ZC3H12B: variants seen among roughly 807,000 people sequenced by gnomAD.
ZC3H12B encodes zinc finger CCCH-type containing 12B.
ZC3H12B carries 7 observed loss-of-function variants against 43.9 expected under a neutral mutation model. That is an observed-to-expected ratio of 0.16 (90% CI 0.09 to 0.30). The LOEUF is 0.30. ZC3H12B is among the 10% of genes least tolerant of loss of function. ZC3H12B has a pLI of 1.00. For synonymous variants in ZC3H12B, 222 were observed against 241.7 expected, an observed-to-expected ratio of 0.92 and a Z score of 0.76; for missense variants, 475 against 670.2, an observed-to-expected ratio of 0.71 and a Z score of 3.22.
At chrX:65,382,402 AC>A (rs1341858045) in intron 2 of ZC3H12B, among the ~76,000 whole-genome samples, 2 of 110,690 alleles carry the variant, frequency 1.8e-5, no homozygotes, top group East Asian at 2.8e-4. Flanking sequence ...AAATTCAACA[AC>A]CCTTCATGCT....
chrX:65,260,430 G>A, the ZC3H12B span, among the ~76,000 whole-genome samples: 4 of 111,145 alleles, frequency 3.6e-5, no homozygotes, highest in Non-Finnish European at 5.7e-5. Flanking sequence ...TGTAGGGTGG[G>A]AAGAAGGTTA....
the ZC3H12B span, among the ~76,000 whole-genome samples, chrX:65,083,155 A>G: frequency 9.0e-6 from 1 of 111,378 alleles, no homozygotes; most frequent in Admixed American, 9.5e-5. Context: ...AGCTGGTTTC[A>G]TACTAAATGG....
chrX:65,043,302 A>C, the ZC3H12B span, among the ~76,000 whole-genome samples: 1 of 111,096 alleles, frequency 9.0e-6, no homozygotes, highest in Non-Finnish European at 1.9e-5. Context: ...TTTCTTAAAA[A>C]AAAGCAAAGT....
At chrX:65,321,194 C>CA in the ZC3H12B span, among the ~76,000 whole-genome samples, 14 of 99,351 alleles carry the variant, frequency 1.4e-4, no homozygotes, top group African/African-American at 5.5e-4. Context: ...AACGGATGTA[C>CA]AACAAAAAAA....
chrX:65,431,955 G>A (rs992357688), intron 3 of ZC3H12B, among the ~76,000 whole-genome samples: 2 of 111,875 alleles, frequency 1.8e-5, no homozygotes, highest in Admixed American at 1.9e-4. Context: ...GTTCACTTTT[G>A]AGTGGTGCAT....
intron 3 of ZC3H12B, among the ~76,000 whole-genome samples, chrX:65,413,129 T>C (rs942419108): frequency 9.0e-6 from 1 of 111,475 alleles, no homozygotes; most frequent in Non-Finnish European, 1.9e-5. Flanking sequence ...TCCCCATTTT[T>C]TTTAAAAAAT....
At chrX:65,443,208 C>A (rs1405643387) in intron 3 of ZC3H12B, among the ~76,000 whole-genome samples, 2 of 111,458 alleles carry the variant, frequency 1.8e-5, no homozygotes, top group African/African-American at 6.5e-5. Context: ...CCTGACACTT[C>A]CGAGCTCCCC....
At position 65,410,717 on chromosome X, in the gene ZC3H12B, A is replaced by G. The variant is rs200010360; in HGVS notation, n.407+12013A>G. ...ACAGGCATATGAAAAGGTGCTCAACATAATTAATCATTAGAAAAATGCAAA... is the reference window on the plus strand; with the variant it reads ...ACAGGCATATGAAAAGGTGCTCAACGTAATTAATCATTAGAAAAATGCAAA... On this transcript the variant is annotated intron_variant and non_coding_transcript_variant, in intron 3 of 5. Transcript: ENST00000617377. 1.4e-4 allele frequency among the ~76,000 whole-genome samples: 16 copies of G among 112,588 alleles called. No homozygotes were observed. The East Asian group carries it at 3.0e-3, about 21-fold the overall frequency.
intron 3 of ZC3H12B, among the ~76,000 whole-genome samples, chrX:65,412,850 TG>T (rs1247026329): frequency 4.5e-5 from 4 of 88,398 alleles, no homozygotes; most frequent in East Asian, 5.6e-4. Context: ...TGTTTTGTTT[TG>T]TTTTTTTTGA....
At chrX:65,133,725 C>T in the ZC3H12B span, among the ~76,000 whole-genome samples, 1 of 110,294 alleles carries the variant, frequency 9.1e-6, no homozygotes, top group African/African-American at 3.3e-5. Context: ...GAGGAGCAGC[C>T]TGGGGAAGAG....
At chrX:65,235,607 G>T in the ZC3H12B span, among the ~76,000 whole-genome samples, 355 of 111,187 alleles carry the variant, frequency 3.2e-3, 1 homozygote, top group African/African-American at 0.011. Flanking sequence ...GCCTGCTGTG[G>T]CTCTGCACTC....
the ZC3H12B span, chrX:65,357,442 A>G: frequency 4.0e-4 from 58 of 143,588 alleles, no homozygotes; most frequent in African/African-American, 1.8e-3. Context: ...TGCCCATGAG[A>G]GTCCAGCACT....
the ZC3H12B span, among the ~76,000 whole-genome samples, chrX:65,158,919 G>C: frequency 8.9e-6 from 1 of 112,038 alleles, no homozygotes; most frequent in African/African-American, 3.2e-5. Context: ...TAACATTTAA[G>C]TCTTTAATCC....
chrX:65,254,463 A>T, the ZC3H12B span, among the ~76,000 whole-genome samples: 1 of 112,477 alleles, frequency 8.9e-6, no homozygotes, highest in Non-Finnish European at 1.9e-5. Flanking sequence ...GATCTGATAA[A>T]CACTTCCAGA....
At chrX:65,338,986 T>C in the ZC3H12B span, among the ~76,000 whole-genome samples, 1 of 112,243 alleles carries the variant, frequency 8.9e-6, no homozygotes, top group Non-Finnish European at 1.9e-5. Context: ...TTACTCAACA[T>C]AGTACTGAAA....
the ZC3H12B span, among the ~76,000 whole-genome samples, chrX:65,354,064 G>A: frequency 8.9e-6 from 1 of 111,762 alleles, no homozygotes; most frequent in Non-Finnish European, 1.9e-5. Context: ...GTTCCTACCT[G>A]TCGGCTTTGA....
At chrX:65,263,768 C>T in the ZC3H12B span, among the ~76,000 whole-genome samples, 1 of 111,169 alleles carries the variant, frequency 9.0e-6, no homozygotes, top group East Asian at 2.8e-4. Flanking sequence ...CCTTAAAGAA[C>T]TTAAAGTAGA....
chrX:65,469,269 G>A (rs1192775406), intron 3 of ZC3H12B: 3 of 256,731 alleles, frequency 1.2e-5, no homozygotes, highest in Non-Finnish European at 2.3e-5. Flanking sequence ...CATCAACAAC[G>A]CTGTGTCCTG....
intron 3 of ZC3H12B, among the ~76,000 whole-genome samples, chrX:65,455,445 C>A (rs765244599): frequency 6.0e-4 from 67 of 111,563 alleles, no homozygotes; most frequent in African/African-American, 1.9e-3. Context: ...TAAAAAGAAA[C>A]GAATAAAGCC....
Sources: gnomAD v4.1 joint callset for allele counts (sites outside exome capture counted in the v4.1 genomes callset) on GRCh38, gnomAD v4.1.1 for gene constraint, MANE v1.5 for transcripts, NCBI Gene and HGNC (gene_info 2026-07-23, HGNC 2026-07-21) for gene names.